MYO10: variants seen among roughly 807,000 people sequenced by gnomAD.
The protein encoded by MYO10 is myosin X.
MYO10 carries 133 observed loss-of-function variants against 257.3 expected under a neutral mutation model. The ratio of observed to expected loss-of-function variants is 0.52; its 90% CI spans 0.45 to 0.60. The LOEUF (loss-of-function observed/expected upper bound fraction) is 0.60, where lower values mean the gene tolerates loss of function less well. Among genes scored for constraint, MYO10 ranks in the 20% least tolerant of loss-of-function variants. The pLI, the probability that MYO10 is intolerant of heterozygous loss-of-function variation, is 0.00. For synonymous variants in MYO10, 1,104 were observed against 1,028.6 expected (o/e 1.07, Z -1.40); for missense variants, 2,399 against 2,635.7 (o/e 0.91, Z 1.97).
intron 3 of MYO10, chr5:16,814,572 A>G (rs1363906144): frequency 6.6e-6 from 1 of 152,120 alleles, no homozygotes; most frequent in Non-Finnish European, 1.5e-5. Flanking sequence ...ATAGACAGGC[A>G]TTGCTCCGAG....
At chr5:16,674,489 C>T (rs916863893) in intron 35 of MYO10, among the ~76,000 whole-genome samples, 1 of 151,942 alleles carries the variant, frequency 6.6e-6, no homozygotes, top group African/African-American at 2.4e-5. Context: ...AAAGAAAAGA[C>T]ACTTCTTTTT....
At chr5:16,709,088 A>G (rs1204947769) in intron 21 of MYO10, among the ~76,000 whole-genome samples, 1 of 152,234 alleles carries the variant, frequency 6.6e-6, no homozygotes, top group Non-Finnish European at 1.5e-5. Flanking sequence ...AGCCAACAGC[A>G]AGACAACAGG....
intron 3 of MYO10, among the ~76,000 whole-genome samples, chr5:16,814,189 C>T (rs1480370913): frequency 6.6e-6 from 1 of 152,204 alleles, no homozygotes; most frequent in Non-Finnish European, 1.5e-5. Context: ...GTCACCCAGG[C>T]TGGAGGGCAG....
intron 19 of MYO10, among the ~76,000 whole-genome samples, chr5:16,720,001 T>C (rs966029104): frequency 6.9e-4 from 99 of 143,440 alleles, no homozygotes; most frequent in African/African-American, 2.7e-3. Flanking sequence ...TGTGTGTGTG[T>C]GTGTGTGTGT....
chr5:16,676,710 C>T (rs908955558), intron 33 of MYO10, among the ~76,000 whole-genome samples: 4 of 151,964 alleles, frequency 2.6e-5, no homozygotes, highest in South Asian at 2.1e-4. Flanking sequence ...AGCGAGACTC[C>T]GTCTCAAAAA....
In MYO10 at chr5:16,711,089, A is replaced by T. The variant is rs759022381; in HGVS notation, c.2054+32T>A. 1.9e-6 allele frequency: 3 copies of T among 1,613,046 alleles called. No individual in the cohort carries two copies. In the Admixed American group the frequency reaches 5.0e-5, roughly 27 times the overall value. On this transcript the variant is annotated intron_variant, in intron 20 of 40. Coordinates refer to ENST00000513610, the MANE Select transcript of MYO10 (RefSeq NM_012334.3). Reference sequence around the variant, plus strand: ...CCCTGTTTTCTCCAACCCCTTTGAAAAGAAAGAGAATCCAATTCAGCTCCC... The same window carrying T: ...CCCTGTTTTCTCCAACCCCTTTGAATAGAAAGAGAATCCAATTCAGCTCCC...
intron 19 of MYO10, among the ~76,000 whole-genome samples, chr5:16,725,432 A>G (rs539861336): frequency 6.6e-6 from 1 of 152,116 alleles, no homozygotes; most frequent in Non-Finnish European, 1.5e-5. Flanking sequence ...AGTAATAAAA[A>G]TAGCAACTAC....
chr5:16,704,740 G>A (rs1738251225), intron 21 of MYO10, 55 bp from the exon 22 acceptor site: 2 of 1,397,408 alleles, frequency 1.4e-6, no homozygotes, highest in Admixed American at 1.8e-5. Flanking sequence ...GCAGAAGGAA[G>A]GCATTTCTGA....
chr5:16,681,588 TGGGTG>T, intron 31 of MYO10, 85 bp from the exon 32 acceptor site: 1 of 1,341,030 alleles, frequency 7.5e-7, no homozygotes, highest in Non-Finnish European at 1.0e-6. Flanking sequence ...TGCTAACACA[TGGGTG>T]GGGTTTCTAG....
At position 16,698,374 on chromosome 5, in the gene MYO10, A is replaced by G. The variant is rs986539345; in HGVS notation, c.3556+1076T>C. Among the ~76,000 whole-genome samples the G allele has an allele frequency of 8.5e-5, 13 of 152,340 alleles. No individual in the cohort carries two copies. The East Asian group carries it at 2.5e-3, about 29-fold the overall frequency. ...AGACCCTGTCTTAAATAAATACCTA[A>G]ATAAATAGATAAATAAATAGTAAAT... On this transcript the variant is annotated intron_variant, in intron 26 of 40. Coordinates refer to ENST00000513610, the MANE Select transcript of MYO10 (RefSeq NM_012334.3).
intron 2 of MYO10, among the ~76,000 whole-genome samples, chr5:16,844,277 C>CT (rs1344655450): frequency 5.3e-5 from 8 of 152,234 alleles, no homozygotes; most frequent in African/African-American, 1.9e-4. Context: ...GGATCGGACT[C>CT]TGAGGATTTT....
At chr5:16,703,204 C>T (rs761319452) in intron 22 of MYO10, 46 bp from the exon 23 acceptor site, 5 of 1,438,852 alleles carry the variant, frequency 3.5e-6, no homozygotes, top group South Asian at 2.5e-5. Flanking sequence ...AGTAATGAGG[C>T]TTTGAGCTAT....
intron 1 of MYO10, among the ~76,000 whole-genome samples, chr5:16,911,012 C>T (rs959361790): frequency 9.2e-5 from 14 of 152,078 alleles, no homozygotes; most frequent in African/African-American, 3.4e-4. Context: ...CTTTTCTCCC[C>T]TTCAAGAGAC....
intron 3 of MYO10, among the ~76,000 whole-genome samples, chr5:16,808,299 CA>C (rs890175958): frequency 2.6e-5 from 4 of 152,014 alleles, no homozygotes; most frequent in African/African-American, 7.2e-5. Context: ...TCCATCTCTA[CA>C]AAAAATTTTA....
chr5:16,774,147 T>C (rs183902629), intron 9 of MYO10, among the ~76,000 whole-genome samples: 9 of 152,306 alleles, frequency 5.9e-5, no homozygotes, highest in Admixed American at 1.3e-4. Context: ...AATTCTATGA[T>C]TCAGCACATA....
At chr5:16,698,314 C>CCACA (rs1354875552) in intron 26 of MYO10, among the ~76,000 whole-genome samples, 7 of 152,106 alleles carry the variant, frequency 4.6e-5, no homozygotes, top group Non-Finnish European at 7.4e-5. Flanking sequence ...TGAGCCATGA[C>CCACA]CACACCACTG....
At chr5:16,787,167 C>T (rs1741610177) in intron 4 of MYO10, among the ~76,000 whole-genome samples, 1 of 151,270 alleles carries the variant, frequency 6.6e-6, no homozygotes, top group Non-Finnish European at 1.5e-5. Flanking sequence ...AGACCCAAGA[C>T]CCTGTCTCTC....
At chr5:16,743,057 T>C (rs1410464857) in intron 19 of MYO10, among the ~76,000 whole-genome samples, 2 of 152,058 alleles carry the variant, frequency 1.3e-5, no homozygotes, top group Middle Eastern at 3.4e-3. Context: ...GAGACGGAGG[T>C]TGCAGTGAGC....
intron 39 of MYO10, among the ~76,000 whole-genome samples, chr5:16,670,262 T>G (rs1473961956): frequency 2.0e-5 from 3 of 152,214 alleles, no homozygotes; most frequent in Non-Finnish European, 4.4e-5. Context: ...ATTAGATCTA[T>G]AGCTTCCCTA....
Sources: allele counts gnomAD v4.1 joint callset (sites outside exome capture counted in the v4.1 genomes callset), GRCh38; gene constraint gnomAD v4.1.1; transcripts MANE v1.5; gene names NCBI Gene and HGNC (gene_info 2026-07-23, HGNC 2026-07-21).